Variants in GCFC2 observed in about 807,000 individuals in gnomAD.
GCFC2 encodes intron Large complex component GCFC2.
GCFC2 carries 102 observed loss-of-function variants against 99.4 expected under a neutral mutation model. The observed-to-expected ratio is 1.03, with a 90% CI of 0.87 to 1.21. The LOEUF is 1.21. GCFC2 is among the 50% of genes most tolerant of loss of function. The pLI, the probability that GCFC2 is intolerant of heterozygous loss-of-function variation, is 0.00. For synonymous variants in GCFC2, 338 were observed against 316.8 expected, an observed-to-expected ratio of 1.07 and a Z score of -0.71; for missense variants, 973 against 920.9, an observed-to-expected ratio of 1.06 and a Z score of -0.73.
intron 5 of GCFC2, among the ~76,000 whole-genome samples, chr2:75,695,410 G>T (rs1680263275): frequency 6.6e-6 from 1 of 151,992 alleles, no homozygotes; most frequent in Non-Finnish European, 1.5e-5. Flanking sequence ...CAACTATATG[G>T]ACAAACATGA....
intron 2 of GCFC2, among the ~76,000 whole-genome samples, chr2:75,703,623 C>T (rs1453764453): frequency 2.2e-4 from 34 of 152,110 alleles, no homozygotes; most frequent in Non-Finnish European, 5.9e-5. Context: ...TGATGAAGGT[C>T]AGGTGTCTCT....
rs1679891433 is a variant in GCFC2 at position 75,687,877 on chromosome 2, T to C, written c.1640A>G (p.Lys547Arg). 3 of 1,607,212 alleles carry C rather than the reference T, an allele frequency of 1.9e-6. No homozygotes were observed. Among genetic ancestry groups the C allele is most frequent in the Non-Finnish European group, 2.6e-6 (3 of 1,175,438 alleles). The stretch of plus-strand genomic sequence containing the variant: ...GTTGATGATTGCAGACAAGACTTTT[T>C]TATCTGAACTACTTTCCTTCTTTGA... ...EDSKKESSSDKKVLSAIINKT... is the reference protein window; with the variant it reads ...EDSKKESSSDRKVLSAIINKT... The change falls in exon 11 of 17, where the codon AAA (lysine) becomes AGA (arginine). Residue 547 changes from lysine to arginine, a missense_variant. Transcript: ENST00000321027.
At chr2:75,704,577 A>G (rs1458054491) in intron 2 of GCFC2, among the ~76,000 whole-genome samples, 1 of 152,262 alleles carries the variant, frequency 6.6e-6, no homozygotes, top group Non-Finnish European at 1.5e-5. Flanking sequence ...TACTATAATC[A>G]TTTAAATAAT....
chr2:75,712,071 C>T (rs1211368846), upstream of GCFC2, among the ~76,000 whole-genome samples: 1 of 152,244 alleles, frequency 6.6e-6, no homozygotes, highest in Non-Finnish European at 1.5e-5. Flanking sequence ...GTCTTTATGT[C>T]TAGCTCAGGG....
chr2:75,701,895 A>G, intron 3 of GCFC2: 1 of 1,076,782 alleles, frequency 9.3e-7, no homozygotes, highest in Non-Finnish European at 1.1e-6. Context: ...ATATATTTAT[A>G]CAGGTAAAAA....
Position 75,694,318 on chromosome 2 carries a change from T to C in GCFC2, c.943A>G (p.Asn315Asp). The C allele has an allele frequency of 7.4e-7, 1 of 1,344,618 alleles. No homozygotes were observed. Among genetic ancestry groups the C allele is most frequent in the Middle Eastern group, 1.8e-4 (1 of 5,490 alleles). The allele number at this position is 1,344,618 out of a possible 1,614,324, so 83.3% of individuals were successfully genotyped here. ...TAGAATTTACAATTTAGAGCTTGAT[T>C]TGATGAACTCTCTAGGTTCTGGATG... ...STIQNLESSS[N>D]QALNCKFYKS... is the part of the protein sequence containing the mutation. The change falls in exon 6 of 17, where the codon AAT becomes GAT. Residue 315 changes from asparagine to aspartate, a missense_variant. Coordinates refer to ENST00000321027, the MANE Select transcript of GCFC2 (RefSeq NM_003203.5).
intron 4 of GCFC2, among the ~76,000 whole-genome samples, chr2:75,699,815 G>T (rs1482921376): frequency 6.6e-6 from 1 of 151,940 alleles, no homozygotes; most frequent in African/African-American, 2.4e-5. Flanking sequence ...GGGCTGAAGT[G>T]ATCCTTCCAC....
rs1573097506 is a variant in GCFC2, at chr2:75,706,508, ATACAAAT to A, written c.394+8_394+14del. 2 of 1,537,146 alleles carry A rather than the reference ATACAAAT, an allele frequency of 1.3e-6. No homozygotes were observed. Among genetic ancestry groups the A allele is most frequent in the East Asian group, 4.5e-5 (2 of 44,370 alleles). On this transcript the variant is annotated splice_region_variant and intron_variant, in intron 2 of 16. Coordinates refer to ENST00000321027, the MANE Select transcript of GCFC2 (RefSeq NM_003203.5). ...AAAAATAAAATTCTTAACCAAAATCATACAAATTACTAACCTGTTGATGAAAGTTCTT... is the reference window on the plus strand; with the variant it reads ...AAAAATAAAATTCTTAACCAAAATCATACTAACCTGTTGATGAAAGTTCTT...
At chr2:75,690,833 TA>T in intron 7 of GCFC2, 114 bp from the exon 8 acceptor site, 1 of 592,804 alleles carries the variant, frequency 1.7e-6, no homozygotes, top group Non-Finnish European at 3.0e-6. Context: ...TGTAAATACA[TA>T]AATATGCTTA....
chr2:75,712,798 A>G (rs1344067398), upstream of GCFC2, among the ~76,000 whole-genome samples: 3 of 152,174 alleles, frequency 2.0e-5, no homozygotes, highest in Non-Finnish European at 4.4e-5. Context: ...CGCCACCTTA[A>G]GAGCTGTAAC....
intron 11 of GCFC2, among the ~76,000 whole-genome samples, chr2:75,686,141 T>C (rs1558740007): frequency 6.6e-6 from 1 of 152,220 alleles, no homozygotes; most frequent in Non-Finnish European, 1.5e-5. Context: ...GTGCTTAAAC[T>C]AGGCACATGC....
At chr2:75,712,319 C>G (rs917663432), upstream of GCFC2, among the ~76,000 whole-genome samples, 1 of 152,088 alleles carries the variant, frequency 6.6e-6, no homozygotes, top group African/African-American at 2.4e-5. Context: ...GTGTTTAGCT[C>G]AAGGTTTGTG....
chr2:75,700,273 C>T (rs1558750398), intron 4 of GCFC2, among the ~76,000 whole-genome samples: 2 of 152,072 alleles, frequency 1.3e-5, no homozygotes, highest in African/African-American at 4.8e-5. Flanking sequence ...AAATAAAACA[C>T]AAAACTATTA....
Position 75,663,562 on chromosome 2 carries a change from C to T in GCFC2, c.*1104G>A, listed in dbSNP as rs1400992508. 2 of 151,962 alleles carry T rather than the reference C, an allele frequency of 1.3e-5. No individual in the cohort carries two copies. The highest frequency in any genetic ancestry group is 4.8e-5 in the African/African-American group (2 of 41,382). 9.4% of individuals were successfully genotyped at this position (151,962 alleles called of 1,614,324 possible). A position where few individuals can be genotyped will look rare whatever the true frequency, so the allele number is the denominator to read the frequency against. ...GACTTAATGCTTCAAAAAACATCAA[C>T]AAATTTAAAAGAAAGGCCAAACATG... On this transcript the variant is annotated 3_prime_UTR_variant, in exon 17 of 17. Coordinates refer to ENST00000321027, the MANE Select transcript of GCFC2 (RefSeq NM_003203.5).
chr2:75,665,199 T>C (rs1375360822), intron 16 of GCFC2, among the ~76,000 whole-genome samples: 2 of 152,082 alleles, frequency 1.3e-5, no homozygotes, highest in South Asian at 4.2e-4. Flanking sequence ...CTGGTCAGAC[T>C]GGAGTACAGT....
intron 12 of GCFC2, among the ~76,000 whole-genome samples, chr2:75,676,948 A>C (rs558010495): frequency 1.4e-4 from 22 of 152,192 alleles, no homozygotes; most frequent in Non-Finnish European, 2.4e-4. Context: ...CAGTTCAATA[A>C]AAATATTGAA....
chr2:75,695,913 AT>A (rs1301139039), intron 5 of GCFC2, among the ~76,000 whole-genome samples: 7 of 152,188 alleles, frequency 4.6e-5, no homozygotes, highest in African/African-American at 1.7e-4. Flanking sequence ...ACAGCATGCA[AT>A]TTAAAACATA....
At chr2:75,667,459 A>G (rs866139054) in intron 15 of GCFC2, among the ~76,000 whole-genome samples, 5 of 152,222 alleles carry the variant, frequency 3.3e-5, no homozygotes. Flanking sequence ...TCTTTCTAAG[A>G]TTGGTCAGCA....
chr2:75,676,112 G>A (rs1213950289), intron 12 of GCFC2, among the ~76,000 whole-genome samples: 1 of 152,168 alleles, frequency 6.6e-6, no homozygotes, highest in Non-Finnish European at 1.5e-5. Flanking sequence ...ATGTGTGTTT[G>A]CGTATCGGAT....
Sources: gnomAD v4.1 joint callset for allele counts (sites outside exome capture counted in the v4.1 genomes callset) on GRCh38, gnomAD v4.1.1 for gene constraint, MANE v1.5 for transcripts, NCBI Gene and HGNC (gene_info 2026-07-23, HGNC 2026-07-21) for gene names.